The following DNAH11 variants were observed in gnomAD, a reference collection of about 807,000 sequenced individuals.
DNAH11 encodes axonemal beta dynein heavy chain 11.
DNAH11 carries 442 observed loss-of-function variants against 526.0 expected under a neutral mutation model. That is an observed-to-expected ratio of 0.84 (90% CI 0.78 to 0.91). DNAH11 has a LOEUF of 0.91. DNAH11 is among the 40% of genes least tolerant of loss of function. The pLI, the probability that DNAH11 is intolerant of heterozygous loss-of-function variation, is 0.00. For missense variants in DNAH11, 6,989 were observed against 5,448.7 expected, an observed-to-expected ratio of 1.28 and a Z score of -8.90; for synonymous variants, 2,461 against 1,935.9, an observed-to-expected ratio of 1.27 and a Z score of -7.12.
chr7:21,752,328 A>T (rs1685530471), intron 54 of DNAH11, among the ~76,000 whole-genome samples: 1 of 152,242 alleles, frequency 6.6e-6, no homozygotes, highest in Admixed American at 6.5e-5. Context: ...TGACATCTAG[A>T]TCCCCTCTTC....
chr7:21,607,779 TA>T (rs930863000), intron 20 of DNAH11, among the ~76,000 whole-genome samples: 21 of 148,152 alleles, frequency 1.4e-4, no homozygotes, highest in South Asian at 8.6e-4. Flanking sequence ...AAATAAAAAT[TA>T]AAAAAAAAAT....
At chr7:21,700,385 T>A (rs1285745426) in intron 36 of DNAH11, among the ~76,000 whole-genome samples, 1 of 152,210 alleles carries the variant, frequency 6.6e-6, no homozygotes, top group African/African-American at 2.4e-5. Flanking sequence ...CAGCAGACAT[T>A]TTTGACCATT....
At chr7:21,617,544 G>A (rs2128453061) in intron 22 of DNAH11, 75 bp from the exon 23 acceptor site, 1 of 1,521,890 alleles carries the variant, frequency 6.6e-7, no homozygotes, top group Non-Finnish European at 8.9e-7. Context: ...GGAAATATAT[G>A]TCAAAGGAGG....
In DNAH11 at chr7:21,771,173, T is replaced by A. The variant is rs569256468; in HGVS notation, c.9103-2593T>A. On this transcript the variant is annotated intron_variant, in intron 55 of 81. Coordinates refer to ENST00000409508, the MANE Select transcript of DNAH11 (RefSeq NM_001277115.2). ...CTTCAAAAAGAGAGAAAATAGATTC[T>A]TTCACCTGCCCCTTTCTCTTTTGCC... Among the ~76,000 whole-genome samples the A allele has an allele frequency of 9.2e-5, 14 of 152,304 alleles. No homozygotes were observed. In the South Asian group the frequency reaches 2.7e-3, roughly 29 times the overall value.
At position 21,600,941 on chromosome 7, in the gene DNAH11, C is replaced by T. The variant is rs369669831; in HGVS notation, c.3255+11C>T. 1.1e-5 allele frequency: 17 copies of T among 1,612,790 alleles called. No homozygotes were observed. Among genetic ancestry groups the T allele is most frequent in the Non-Finnish European group, 1.3e-5 (15 of 1,179,566 alleles). On this transcript the variant is annotated intron_variant, in intron 16 of 81. Transcript: ENST00000409508. Reference sequence around the variant, plus strand: ...CAATTCAAAGAACAGGCAAGGAAAACCCTTAGCATTTAATGTAGTGAAATG... The same window carrying T: ...CAATTCAAAGAACAGGCAAGGAAAATCCTTAGCATTTAATGTAGTGAAATG...
At chr7:21,690,911 TG>T in intron 35 of DNAH11, 30 bp downstream of exon 35, 2 of 1,512,966 alleles carry the variant, frequency 1.3e-6, no homozygotes, top group Non-Finnish European at 1.8e-6. Context: ...GCTTAGCATC[TG>T]GTGCACTCAT....
chr7:21,840,481 C>T (rs539761911), intron 65 of DNAH11, among the ~76,000 whole-genome samples: 2 of 151,848 alleles, frequency 1.3e-5, no homozygotes, highest in Admixed American at 6.6e-5. Flanking sequence ...AAGACTGAGC[C>T]GAGACTGTTT....
At chr7:21,668,523 G>A (rs1166370303) in intron 30 of DNAH11, among the ~76,000 whole-genome samples, 6 of 152,090 alleles carry the variant, frequency 3.9e-5, no homozygotes, top group Non-Finnish European at 7.4e-5. Context: ...GTAATAAACT[G>A]TCCTTTATCT....
intron 2 of DNAH11, among the ~76,000 whole-genome samples, chr7:21,546,080 A>C (rs907224873): frequency 6.6e-6 from 1 of 152,208 alleles, no homozygotes; most frequent in African/African-American, 2.4e-5. Context: ...CAATTTCTAA[A>C]TCAGACCTCT....
chr7:21,688,798 G>C (rs1290765296), intron 34 of DNAH11, among the ~76,000 whole-genome samples: 1 of 150,962 alleles, frequency 6.6e-6, no homozygotes, highest in Non-Finnish European at 1.5e-5. Flanking sequence ...GCAAAACACA[G>C]CTGGCACTTA....
chr7:21,719,925 C>T (rs563604930), intron 43 of DNAH11, among the ~76,000 whole-genome samples: 1 of 152,286 alleles, frequency 6.6e-6, no homozygotes, highest in South Asian at 2.1e-4. Context: ...AGAGCTAGCC[C>T]CAGAACCTGT....
intron 74 of DNAH11, among the ~76,000 whole-genome samples, chr7:21,873,772 T>C (rs1334896223): frequency 1.4e-5 from 2 of 141,616 alleles, no homozygotes; most frequent in African/African-American, 5.3e-5. Context: ...AGGTAACTTC[T>C]TGAGGAGGTT....
intron 63 of DNAH11, among the ~76,000 whole-genome samples, chr7:21,810,872 A>G (rs1686314717): frequency 6.6e-6 from 1 of 152,148 alleles, no homozygotes; most frequent in South Asian, 2.1e-4. Flanking sequence ...AAAATATGGT[A>G]AAGTTTCCCA....
intron 37 of DNAH11, 51 bp downstream of exon 37, chr7:21,702,853 C>G (rs1311949587): frequency 6.7e-7 from 1 of 1,503,296 alleles, no homozygotes; most frequent in African/African-American, 1.4e-5. Context: ...GCCTGCTTCA[C>G]AGACATGAAA....
chr7:21,895,095 C>CT, intron 79 of DNAH11, 96 bp downstream of exon 79: 2 of 1,002,914 alleles, frequency 2.0e-6, no homozygotes, highest in Admixed American at 4.3e-5. Flanking sequence ...GCAGACGGAG[C>CT]TTTGTGACTG....
At chr7:21,836,645 A>C (rs6960422) in intron 65 of DNAH11, among the ~76,000 whole-genome samples, 10,512 of 152,248 alleles carry the variant, frequency 0.069, 1,130 homozygotes, top group African/African-American at 0.23. Context: ...AACTACTAGA[A>C]GAAAACATTA....
At chr7:21,818,395 G>A (rs1052868457) in intron 65 of DNAH11, 56 bp downstream of exon 65, 31 of 1,552,522 alleles carry the variant, frequency 2.0e-5, no homozygotes, top group Non-Finnish European at 2.4e-5. Flanking sequence ...TTCAGCAGCA[G>A]CATCTCTTAG....
At chr7:21,647,248 A>C (rs528450141) in intron 28 of DNAH11, among the ~76,000 whole-genome samples, 1 of 152,220 alleles carries the variant, frequency 6.6e-6, no homozygotes, top group South Asian at 2.1e-4. Context: ...AATGAGCCCA[A>C]ACACAAAAAA....
At chr7:21,852,847 A>G (rs1046207844) in intron 67 of DNAH11, among the ~76,000 whole-genome samples, 2 of 152,324 alleles carry the variant, frequency 1.3e-5, no homozygotes, top group East Asian at 1.9e-4. Context: ...ATGTCATTCA[A>G]ATTAGACACT....
Sources: gnomAD v4.1 joint callset for allele counts (sites outside exome capture counted in the v4.1 genomes callset) on GRCh38, gnomAD v4.1.1 for gene constraint, MANE v1.5 for transcripts, NCBI Gene and HGNC (gene_info 2026-07-23, HGNC 2026-07-21) for gene names.